TOM1: variants seen among roughly 807,000 people sequenced by gnomAD.
The protein encoded by TOM1 is target of Myb protein 1.
A neutral mutation model predicts 61.3 loss-of-function variants in TOM1; 38 were observed. The ratio of observed to expected loss-of-function variants is 0.62; its 90% confidence interval spans 0.48 to 0.81. TOM1 has a LOEUF of 0.81. TOM1 is among the 40% of genes least tolerant of loss of function. The pLI is 0.00. For synonymous variants in TOM1, 270 were observed against 268.8 expected, an observed-to-expected ratio of 1.00 and a Z score of -0.04; for missense variants, 591 against 659.6, an observed-to-expected ratio of 0.90 and a Z score of 1.14.
Position 35,299,938 on chromosome 22 carries a change from C to G in TOM1, c.10C>G (p.Leu4Val). 2 of 1,584,042 alleles carry G rather than the reference C, an allele frequency of 1.3e-6. No individual in the cohort carries two copies. Among genetic ancestry groups the G allele is most frequent in the Non-Finnish European group, 1.7e-6 (2 of 1,163,466 alleles). The change falls in exon 1 of 15, where the codon CTC becomes GTC. Residue 4 changes from leucine (L) to valine (V), a missense_variant. Transcript: ENST00000449058. MDF[L>V]LGNPFSSPVG... is the part of the protein sequence containing the mutation. ...AGCGGCGGTAGCAGCAATGGACTTT[C>G]TCCTGGGGAACCCGTTCAGCTCTCC...
In TOM1 at chr22:35,346,334, G is replaced by A. The variant is rs933047354; in HGVS notation, c.1284+550G>A. On this transcript the variant is annotated intron_variant, in intron 13 of 14. Transcript: ENST00000449058. ...CTCCTACCGCAGCATCTGCCACCCC[G>A]TCTCTGGGCACCAAGGCCCACATGG... is the stretch of plus-strand genomic sequence containing the variant. Among the ~76,000 whole-genome samples, 14 of 152,242 alleles carry A rather than the reference G, an allele frequency of 9.2e-5. No individual in the cohort carries two copies. In the South Asian group the frequency reaches 1.2e-3, roughly 13 times the overall value.
chr22:35,345,908 T>TA (rs1930471770), intron 13 of TOM1, 124 bp downstream of exon 13: 1 of 1,029,262 alleles, frequency 9.7e-7, no homozygotes, highest in Non-Finnish European at 1.5e-6. Flanking sequence ...GGGGCACACT[T>TA]AAAGTCCCCA....
chr22:35,345,952 G>GC (rs1019172148), intron 13 of TOM1, among the ~76,000 whole-genome samples, 168 bp downstream of exon 13: 3 of 152,158 alleles, frequency 2.0e-5, no homozygotes, highest in Non-Finnish European at 4.4e-5. Flanking sequence ...TGTTTGGCAC[G>GC]CCCCCCAGAG....
intron 3 of TOM1, 30 bp downstream of exon 3, chr22:35,322,067 A>C: frequency 6.2e-7 from 1 of 1,606,170 alleles, no homozygotes. Flanking sequence ...GTCCTGTGGC[A>C]GGACTACGGT....
chr22:35,317,883 CCACAGATGGCT>C lies in TOM1; in HGVS notation c.61_71del (p.Thr21ProfsTer38). On this transcript the variant is annotated frameshift_variant, in exon 2 of 15. Coordinates refer to ENST00000449058, the MANE Select transcript of TOM1 (RefSeq NM_005488.3). LOFTEE classifies it high-confidence loss of function. ...ACTCCTGGTTTCTTCTCAGAGAAAGCCACAGATGGCTCCCTGCAGAGCGAGGACTGGGCCCT... is the reference window on the plus strand; with the variant it reads ...ACTCCTGGTTTCTTCTCAGAGAAAGCCCCTGCAGAGCGAGGACTGGGCCCT... 6.2e-7 allele frequency: 1 copy of C among 1,614,008 alleles called. No individual in the cohort carries two copies. Among genetic ancestry groups the C allele is most frequent in the Non-Finnish European group, 8.5e-7 (1 of 1,179,886 alleles).
At chr22:35,328,439 G>A (rs377287426) in intron 7 of TOM1, among the ~76,000 whole-genome samples, 2 of 152,148 alleles carry the variant, frequency 1.3e-5, no homozygotes, top group African/African-American at 4.8e-5. Context: ...ACGTAATCCT[G>A]ACCACCCCCA....
chr22:35,305,532 C>T (rs553975189), intron 1 of TOM1, among the ~76,000 whole-genome samples: 14 of 152,102 alleles, frequency 9.2e-5, no homozygotes, highest in African/African-American at 1.2e-4. Flanking sequence ...TGGTGGCACA[C>T]GCCTGTAGTC....
At chr22:35,322,434 G>A in intron 3 of TOM1, 1 of 233,440 alleles carries the variant, frequency 4.3e-6, no homozygotes, top group South Asian at 6.3e-5. Flanking sequence ...CAGTGGCTGA[G>A]AACAGTCTTG....
chr22:35,330,587 C>T, intron 8 of TOM1, 107 bp downstream of exon 8: 5 of 1,166,350 alleles, frequency 4.3e-6, no homozygotes, highest in Non-Finnish European at 5.9e-6. Flanking sequence ...TCTCGTCCTC[C>T]TCTCAAACAC....
intron 1 of TOM1, among the ~76,000 whole-genome samples, chr22:35,300,318 C>G (rs369730160): frequency 1.3e-5 from 2 of 152,260 alleles, no homozygotes; most frequent in South Asian, 4.1e-4. Flanking sequence ...TTGGCAGTGG[C>G]TGGGCCACTC....
chr22:35,346,243 C>T (rs1930494564), intron 13 of TOM1, among the ~76,000 whole-genome samples: 1 of 152,204 alleles, frequency 6.6e-6, no homozygotes, highest in Admixed American at 6.5e-5. Flanking sequence ...TCATGGGGAC[C>T]CCAAGCCCTG....
At chr22:35,327,212 T>G in intron 6 of TOM1, 59 bp from the exon 7 acceptor site, 1 of 1,523,608 alleles carries the variant, frequency 6.6e-7, no homozygotes, top group Non-Finnish European at 9.1e-7. Flanking sequence ...TCTGTCGCTG[T>G]GAGTAACATG....
chr22:35,301,206 G>A (rs561368399), intron 1 of TOM1, among the ~76,000 whole-genome samples: 2 of 152,104 alleles, frequency 1.3e-5, no homozygotes, highest in Non-Finnish European at 2.9e-5. Context: ...CAGCCTGGAC[G>A]ACGCAGGGAG....
chr22:35,328,106 C>T (rs1369043812), intron 7 of TOM1, among the ~76,000 whole-genome samples: 1 of 152,218 alleles, frequency 6.6e-6, no homozygotes, highest in Non-Finnish European at 1.5e-5. Context: ...CCTCAGGCTC[C>T]TTGAGGGCAG....
intron 11 of TOM1, among the ~76,000 whole-genome samples, chr22:35,336,357 C>A (rs530380495): frequency 6.6e-6 from 1 of 152,216 alleles, no homozygotes; most frequent in African/African-American, 2.4e-5. Context: ...GCTTGGTGTC[C>A]AGCCCGCTCC....
chr22:35,316,769 A>T (rs1601678514), intron 1 of TOM1, among the ~76,000 whole-genome samples: 1 of 152,202 alleles, frequency 6.6e-6, no homozygotes, highest in South Asian at 2.1e-4. Flanking sequence ...GTTTTATTTT[A>T]TGTGACTTTC....
At chr22:35,320,741 G>A (rs953031238) in intron 2 of TOM1, among the ~76,000 whole-genome samples, 1 of 152,152 alleles carries the variant, frequency 6.6e-6, no homozygotes, top group Non-Finnish European at 1.5e-5. Flanking sequence ...GCAAGGTGGG[G>A]AGGAGGCAGG....
intron 2 of TOM1, among the ~76,000 whole-genome samples, chr22:35,319,255 A>G (rs902338760): frequency 6.6e-6 from 1 of 152,188 alleles, no homozygotes; most frequent in East Asian, 1.9e-4. Context: ...CCTTATAAAC[A>G]TGGGAGGAAC....
intron 2 of TOM1, chr22:35,318,298 G>A (rs891043015): frequency 3.4e-5 from 13 of 381,204 alleles, no homozygotes; most frequent in South Asian, 2.6e-4. Flanking sequence ...GACCCCAAGC[G>A]CCATCTGCAT....
Sources: allele counts gnomAD v4.1 joint callset (sites outside exome capture counted in the v4.1 genomes callset), GRCh38; gene constraint gnomAD v4.1.1; transcripts MANE v1.5; gene names NCBI Gene and HGNC (gene_info 2026-07-23, HGNC 2026-07-21).